GPR39: variants seen among roughly 807,000 people sequenced by gnomAD.
GPR39 encodes the protein G protein-coupled receptor 39.
A neutral mutation model predicts 18.4 loss-of-function variants in GPR39; 23 were observed. The observed-to-expected ratio is 1.25, with a 90% CI of 0.90 to 1.77. The LOEUF (loss-of-function observed/expected upper bound fraction) is 1.77. Among genes scored for constraint, GPR39 ranks in the 40% most tolerant of loss-of-function variants. The probability of loss-of-function intolerance (pLI) is 0.00; values close to 1 mark genes in which losing one functional copy is unlikely to be tolerated. For synonymous variants in GPR39, 280 were observed against 257.9 expected (o/e 1.09, Z -0.82); for missense variants, 647 against 602.4 (o/e 1.07, Z -0.78).
intron 1 of GPR39, among the ~76,000 whole-genome samples, chr2:132,572,713 A>G (rs1680463184): frequency 1.3e-5 from 2 of 152,276 alleles, no homozygotes; most frequent in South Asian, 2.1e-4. Context: ...CTTTCCCCCA[A>G]GTGGTAGCAA....
chr2:132,451,174 T>TGCGC (rs10642757), intron 1 of GPR39, among the ~76,000 whole-genome samples: 1 of 150,354 alleles, frequency 6.7e-6, no homozygotes, highest in Non-Finnish European at 1.5e-5. Flanking sequence ...TGTGTGTGTG[T>TGCGC]GCACGCGCGT....
intron 1 of GPR39, among the ~76,000 whole-genome samples, chr2:132,483,250 G>A (rs16832076): frequency 0.041 from 6,168 of 152,262 alleles, 435 homozygotes; most frequent in African/African-American, 0.14. Flanking sequence ...TTATGACAGA[G>A]CGATCAGCAC....
chr2:132,537,488 G>A (rs1220635376), intron 1 of GPR39, among the ~76,000 whole-genome samples: 1 of 147,144 alleles, frequency 6.8e-6, no homozygotes, highest in Non-Finnish European at 1.5e-5. Context: ...TTTCTCTGTG[G>A]CTTCCCTTAA....
intron 1 of GPR39, among the ~76,000 whole-genome samples, chr2:132,530,876 C>G (rs1237993698): frequency 6.6e-6 from 1 of 152,178 alleles, no homozygotes; most frequent in East Asian, 1.9e-4. Context: ...AAAGGAACAA[C>G]TTGTACCAGC....
chr2:132,593,615 G>A (rs551394020), intron 1 of GPR39, among the ~76,000 whole-genome samples: 4 of 152,278 alleles, frequency 2.6e-5, no homozygotes, highest in African/African-American at 9.6e-5. Flanking sequence ...GGAAAGATGG[G>A]GTTGTCATGA....
rs964864178 is a variant in GPR39 at position 132,563,559 on chromosome 2, C to T, written c.857-81542C>T. ...GGCTCATGCCTTACAAAAATGAGAT[C>T]CAACAAGGTTTGAGAATCACTGGAT... On this transcript the variant is annotated intron_variant, in intron 1 of 1. Coordinates refer to ENST00000329321, the MANE Select transcript of GPR39 (RefSeq NM_001508.3). Among the ~76,000 whole-genome samples the T allele has an allele frequency of 3.3e-5, 5 of 152,232 alleles. No homozygotes were observed. The East Asian group carries it at 9.7e-4, about 29-fold the overall frequency.
At chr2:132,632,113 C>G (rs545239216) in intron 1 of GPR39, among the ~76,000 whole-genome samples, 3 of 152,076 alleles carry the variant, frequency 2.0e-5, no homozygotes. Context: ...TCACTGGACC[C>G]GGTCAAATGA....
At chr2:132,539,172 C>G (rs961196246) in intron 1 of GPR39, among the ~76,000 whole-genome samples, 2 of 152,162 alleles carry the variant, frequency 1.3e-5, no homozygotes, top group African/African-American at 4.8e-5. Flanking sequence ...GCTTGAAACC[C>G]AGGGCCCTGG....
chr2:132,494,165 T>C (rs141507014), intron 1 of GPR39, among the ~76,000 whole-genome samples: 3 of 152,186 alleles, frequency 2.0e-5, no homozygotes, highest in African/African-American at 7.2e-5. Context: ...AGGTTTCTCA[T>C]TGAGTTGCCT....
At chr2:132,492,614 CTA>C (rs1681503834) in intron 1 of GPR39, among the ~76,000 whole-genome samples, 1 of 77,526 alleles carries the variant, frequency 1.3e-5, no homozygotes, top group African/African-American at 3.6e-5. Context: ...TACACACCAT[CTA>C]TATATACAAT....
At chr2:132,593,662 C>T (rs1028503572) in intron 1 of GPR39, among the ~76,000 whole-genome samples, 4 of 152,042 alleles carry the variant, frequency 2.6e-5, no homozygotes, top group African/African-American at 7.2e-5. Context: ...CTTGGGGAGC[C>T]TGGGAGTGTA....
intron 1 of GPR39, among the ~76,000 whole-genome samples, chr2:132,507,474 A>G (rs1274270943): frequency 2.6e-5 from 4 of 152,176 alleles, no homozygotes; most frequent in Non-Finnish European, 5.9e-5. Flanking sequence ...CCTTGTTTTA[A>G]GTATACTTAC....
At chr2:132,442,473 C>A (rs753776520) in intron 1 of GPR39, among the ~76,000 whole-genome samples, 3 of 152,164 alleles carry the variant, frequency 2.0e-5, no homozygotes, top group Non-Finnish European at 4.4e-5. Flanking sequence ...CCATTAACAC[C>A]GCTCAGGCCC....
chr2:132,608,882 G>A (rs371537151), intron 1 of GPR39, among the ~76,000 whole-genome samples: 94 of 152,260 alleles, frequency 6.2e-4, no homozygotes, highest in African/African-American at 2.1e-3. Flanking sequence ...ATTACTGAGG[G>A]CCTCAGTGAG....
intron 1 of GPR39, among the ~76,000 whole-genome samples, chr2:132,610,280 G>T (rs185390779): frequency 1.3e-5 from 2 of 152,194 alleles, no homozygotes; most frequent in African/African-American, 4.8e-5. Flanking sequence ...CAGTGTCACA[G>T]GTGTCAAATC....
intron 1 of GPR39, among the ~76,000 whole-genome samples, chr2:132,436,836 C>T (rs1209090006): frequency 6.6e-6 from 1 of 152,196 alleles, no homozygotes. Flanking sequence ...TGTGTCTCCT[C>T]ATCCCGCAGC....
At chr2:132,458,867 C>G (rs950271630) in intron 1 of GPR39, among the ~76,000 whole-genome samples, 1 of 150,848 alleles carries the variant, frequency 6.6e-6, no homozygotes, top group African/African-American at 2.4e-5. Flanking sequence ...AATGCCAAAT[C>G]TCTCTCCTCC....
chr2:132,450,044 C>T (rs1240011349), intron 1 of GPR39, among the ~76,000 whole-genome samples: 2 of 152,198 alleles, frequency 1.3e-5, no homozygotes, highest in Non-Finnish European at 2.9e-5. Flanking sequence ...AGCTTGCTGC[C>T]AGTGTCTGTA....
intron 1 of GPR39, among the ~76,000 whole-genome samples, chr2:132,552,664 T>G (rs10173080): frequency 6.6e-6 from 1 of 151,454 alleles, no homozygotes; most frequent in Non-Finnish European, 1.5e-5. Context: ...ATTTTATATC[T>G]GGAAGTTCGG....
Sources: allele counts gnomAD v4.1 joint callset (sites outside exome capture counted in the v4.1 genomes callset), GRCh38; gene constraint gnomAD v4.1.1; transcripts MANE v1.5; gene names NCBI Gene and HGNC (gene_info 2026-07-23, HGNC 2026-07-21).